METTL15: variants seen among roughly 807,000 people sequenced by gnomAD.
METTL15 encodes the protein 12S rRNA N(4)-cytidine methyltransferase METTL15.
In METTL15, 34 loss-of-function variants were observed where a neutral mutation model predicts 38.3. The observed-to-expected ratio is 0.89, with a 90% CI of 0.68 to 1.18. The LOEUF (loss-of-function observed/expected upper bound fraction) is 1.18, where lower values mean the gene tolerates loss of function less well. METTL15 is among the 50% of genes most tolerant of loss of function. The probability of loss-of-function intolerance (pLI) is 0.00; values close to 1 mark genes in which losing one functional copy is unlikely to be tolerated. For synonymous variants in METTL15, 162 were observed against 170.9 expected (o/e 0.95, Z 0.41); for missense variants, 438 against 498.4 (o/e 0.88, Z 1.15).
chr11:28,382,448 G>A (rs751567829), intron 5 of METTL15, among the ~76,000 whole-genome samples: 1 of 152,100 alleles, frequency 6.6e-6, no homozygotes, highest in East Asian at 1.9e-4. Flanking sequence ...TGTCTTCCAT[G>A]TTCTCACTTT....
intron 4 of METTL15, among the ~76,000 whole-genome samples, chr11:28,276,869 A>T (rs1855863415): frequency 6.6e-6 from 1 of 152,208 alleles, no homozygotes; most frequent in Admixed American, 6.5e-5. Context: ...CCACATGCAG[A>T]AGAATGAAAC....
intron 6 of METTL15, among the ~76,000 whole-genome samples, chr11:28,443,380 C>T (rs1851050814): frequency 6.6e-6 from 1 of 152,100 alleles, no homozygotes; most frequent in South Asian, 2.1e-4. Flanking sequence ...ACAGGGTCAG[C>T]AGTTGGCCCT....
intron 5 of METTL15, among the ~76,000 whole-genome samples, chr11:28,422,743 C>G (rs970225023): frequency 6.6e-6 from 1 of 151,916 alleles, no homozygotes; most frequent in Non-Finnish European, 1.5e-5. Flanking sequence ...TATGAAACTG[C>G]TAATAGAAAA....
intron 3 of METTL15, among the ~76,000 whole-genome samples, chr11:28,190,310 AATT>A (rs909174424): frequency 9.3e-5 from 14 of 151,214 alleles, no homozygotes; most frequent in African/African-American, 3.4e-4. Context: ...AATAGAGGTC[AATT>A]ATTATTCTCA....
intron 4 of METTL15, among the ~76,000 whole-genome samples, chr11:28,250,226 TGG>T (rs773779400): frequency 2.0e-5 from 3 of 152,098 alleles, no homozygotes; most frequent in Non-Finnish European, 1.5e-5. Flanking sequence ...TATTTTCCTT[TGG>T]GTATATACCC....
At chr11:28,376,756 G>A (rs1013093038) in intron 5 of METTL15, among the ~76,000 whole-genome samples, 1 of 151,174 alleles carries the variant, frequency 6.6e-6, no homozygotes, top group African/African-American at 2.4e-5. Flanking sequence ...TCGTAGTCTC[G>A]ATGGTCTTTA....
At chr11:28,125,610 C>T (rs1489129209) in intron 3 of METTL15, 2 of 152,050 alleles carry the variant, frequency 1.3e-5, no homozygotes, top group African/African-American at 4.8e-5. Context: ...TTACAGGTCT[C>T]TCACACCTTT....
At chr11:28,365,776 G>A (rs575881750) in intron 5 of METTL15, among the ~76,000 whole-genome samples, 3 of 152,156 alleles carry the variant, frequency 2.0e-5, no homozygotes, top group Non-Finnish European at 2.9e-5. Context: ...GGCCAGGCGC[G>A]GTGGCTCATG....
At chr11:28,497,605 A>G (rs965411620) in intron 6 of METTL15, among the ~76,000 whole-genome samples, 5 of 152,178 alleles carry the variant, frequency 3.3e-5, no homozygotes, top group Admixed American at 2.0e-4. Context: ...ATTTCTCACA[A>G]TTCTAGAGGC....
At chr11:28,227,270 T>G (rs1853520052) in intron 4 of METTL15, among the ~76,000 whole-genome samples, 1 of 151,894 alleles carries the variant, frequency 6.6e-6, no homozygotes, top group South Asian at 2.1e-4. Context: ...TCATAGAGTT[T>G]ACAATGTAAG....
At chr11:28,377,692 T>A (rs1297124909) in intron 5 of METTL15, among the ~76,000 whole-genome samples, 1 of 152,220 alleles carries the variant, frequency 6.6e-6, no homozygotes, top group East Asian at 1.9e-4. Context: ...CTTTGTTCCT[T>A]TGCTGGTGAG....
intron 3 of METTL15, among the ~76,000 whole-genome samples, chr11:28,124,417 T>C (rs1316973146): frequency 6.6e-6 from 1 of 152,104 alleles, no homozygotes; most frequent in Admixed American, 6.6e-5. Flanking sequence ...TGCAGACACA[T>C]CTAATTGGCT....
chr11:28,394,082 A>G (rs1217560552), intron 5 of METTL15, among the ~76,000 whole-genome samples: 2 of 152,136 alleles, frequency 1.3e-5, no homozygotes, highest in African/African-American at 4.8e-5. Context: ...CCTTGTAAGT[A>G]GGGTTGGTGC....
At chr11:28,132,447 T>C (rs891086149) in intron 3 of METTL15, among the ~76,000 whole-genome samples, 2 of 152,122 alleles carry the variant, frequency 1.3e-5, no homozygotes, top group African/African-American at 4.8e-5. Context: ...CCCTTAACCT[T>C]ACCTTTAATA....
At chr11:28,396,704 T>C (rs1281314935) in intron 5 of METTL15, among the ~76,000 whole-genome samples, 1 of 152,178 alleles carries the variant, frequency 6.6e-6, no homozygotes, top group Non-Finnish European at 1.5e-5. Context: ...CCCATCAAGC[T>C]ACCAATGACT....
chr11:28,336,848 A>AT (rs1460943107), downstream of METTL15, among the ~76,000 whole-genome samples: 1 of 152,102 alleles, frequency 6.6e-6, no homozygotes, highest in Non-Finnish European at 1.5e-5. Flanking sequence ...CCTTGTACTT[A>AT]TTTTTTTAAA....
chr11:28,205,411 C>G lies in METTL15; in HGVS notation c.271-5651C>G, dbSNP rs189357753. Among the ~76,000 whole-genome samples, 660 of 152,180 alleles carry G rather than the reference C, an allele frequency of 4.3e-3. 8 individuals are homozygous for G. Among genetic ancestry groups the G allele is most frequent in the African/African-American group, 0.014 (596 of 41,510 alleles). ...TGAGAATGATAATTTCCAATTTCAT[C>G]CATGTCCCTACAAAGGACATGAACT... On this transcript the variant is annotated intron_variant, in intron 3 of 6. Coordinates refer to ENST00000407364, the MANE Select transcript of METTL15 (RefSeq NM_001113528.2).
Position 28,345,442 on chromosome 11 carries a change from C to T in METTL15, c.*190-6648C>T, listed in dbSNP as rs189602664. 1.6e-4 allele frequency among the ~76,000 whole-genome samples: 25 copies of T among 152,292 alleles called. No individual in the cohort carries two copies. In the East Asian group the frequency reaches 2.3e-3, roughly 14 times the overall value. On this transcript the variant is annotated intron_variant and NMD_transcript_variant, in intron 3 of 7. Coordinates refer to the METTL15 transcript ENST00000532947. ...TGACCTCAGGTGATCCACCCGCCTCCGTATCCCAAAGTGCTGGGATTGCAG... is the reference window on the plus strand; with the variant it reads ...TGACCTCAGGTGATCCACCCGCCTCTGTATCCCAAAGTGCTGGGATTGCAG...
chr11:28,301,019 C>G (rs11826837), intron 6 of METTL15, among the ~76,000 whole-genome samples: 44,775 of 151,942 alleles, frequency 0.29, 7,545 homozygotes, highest in African/African-American at 0.45. Flanking sequence ...GTTGCCAGTT[C>G]CATAAATATA....
Sources: allele counts gnomAD v4.1 joint callset (sites outside exome capture counted in the v4.1 genomes callset), GRCh38; gene constraint gnomAD v4.1.1; transcripts MANE v1.5; gene names NCBI Gene and HGNC (gene_info 2026-07-23, HGNC 2026-07-21).